The following KIAA1958 variants were observed in gnomAD, a reference collection of about 807,000 sequenced individuals.
KIAA1958 encodes the protein uncharacterized protein KIAA1958.
Under a neutral mutation model 47.2 loss-of-function variants are expected in KIAA1958, and 14 were observed. The ratio of observed to expected loss-of-function variants is 0.30; its 90% CI spans 0.20 to 0.46. The LOEUF is 0.46. Ranked by LOEUF, KIAA1958 falls within the 20% of genes least tolerant of loss-of-function variation. KIAA1958 has a pLI of 1.00. For missense variants in KIAA1958, 803 were observed against 909.2 expected, an observed-to-expected ratio of 0.88 and a Z score of 1.50; for synonymous variants, 354 against 353.3, an observed-to-expected ratio of 1.00 and a Z score of -0.02.
intron 1 of KIAA1958, among the ~76,000 whole-genome samples, chr9:112,527,486 T>C (rs1834678372): frequency 6.6e-6 from 1 of 152,162 alleles, no homozygotes; most frequent in South Asian, 2.1e-4. Context: ...TTGTTTTGTC[T>C]TTTGGAGACC....
intron 1 of KIAA1958, among the ~76,000 whole-genome samples, chr9:112,509,327 A>C (rs1194281556): frequency 6.6e-6 from 1 of 151,846 alleles, no homozygotes; most frequent in Non-Finnish European, 1.5e-5. Context: ...CAGCCTCCCA[A>C]GTAGCTGGGA....
At chr9:112,560,943 C>G (rs893152423) in intron 1 of KIAA1958, among the ~76,000 whole-genome samples, 1 of 151,870 alleles carries the variant, frequency 6.6e-6, no homozygotes, top group African/African-American at 2.4e-5. Context: ...TGAATTCTTG[C>G]TAATTCTTCA....
chr9:112,558,529 G>T (rs1835279817), intron 1 of KIAA1958, among the ~76,000 whole-genome samples: 1 of 152,122 alleles, frequency 6.6e-6, no homozygotes, highest in South Asian at 2.1e-4. Context: ...AGAATGAGTG[G>T]TATGGCCCCA....
At chr9:112,610,973 G>A (rs924107025) in intron 2 of KIAA1958, among the ~76,000 whole-genome samples, 11 of 152,134 alleles carry the variant, frequency 7.2e-5, no homozygotes, top group African/African-American at 2.4e-4. Flanking sequence ...AAGAAAAATT[G>A]TATCTTCTCC....
At chr9:112,624,927 A>G (rs1031318698) in intron 2 of KIAA1958, among the ~76,000 whole-genome samples, 3 of 152,158 alleles carry the variant, frequency 2.0e-5, no homozygotes, top group African/African-American at 7.2e-5. Context: ...AGGAGTCACC[A>G]CGTCCTCATG....
rs1837041437 is a variant in KIAA1958 at position 112,650,598 on chromosome 9, A to G, written c.1344+4776A>G. Reference sequence around the variant, plus strand: ...ATAATCCTAATGTGGAAATAAGTGGAACTGTAAAAAAAAAAATTAAATGGA... The same window carrying G: ...ATAATCCTAATGTGGAAATAAGTGGGACTGTAAAAAAAAAAATTAAATGGA... On this transcript the variant is annotated intron_variant, in intron 3 of 3. Coordinates refer to ENST00000337530, the MANE Select transcript of KIAA1958 (RefSeq NM_133465.4). 2.6e-5 allele frequency among the ~76,000 whole-genome samples: 4 copies of G among 152,176 alleles called. No homozygotes were observed. In the South Asian group the frequency reaches 8.3e-4, roughly 32 times the overall value.
intron 1 of KIAA1958, among the ~76,000 whole-genome samples, chr9:112,538,312 G>C (rs985117591): frequency 7.2e-5 from 11 of 152,046 alleles, no homozygotes; most frequent in African/African-American, 2.2e-4. Flanking sequence ...TGGTTGTGCC[G>C]CTGTACTCCA....
intron 2 of KIAA1958, among the ~76,000 whole-genome samples, chr9:112,624,434 A>T (rs1419664114): frequency 3.9e-5 from 6 of 152,228 alleles, no homozygotes; most frequent in Admixed American, 3.3e-4. Context: ...TGAAGCTAGG[A>T]TAATTTTAGA....
intron 1 of KIAA1958, among the ~76,000 whole-genome samples, chr9:112,566,631 A>G (rs998707855): frequency 2.0e-5 from 3 of 152,196 alleles, no homozygotes; most frequent in Admixed American, 6.5e-5. Flanking sequence ...GCTGTAATGT[A>G]TATGATTTTC....
chr9:112,590,480 T>C (rs1268578602), intron 2 of KIAA1958, among the ~76,000 whole-genome samples: 2 of 151,806 alleles, frequency 1.3e-5, no homozygotes, highest in Non-Finnish European at 2.9e-5. Context: ...GCCTCCTGAG[T>C]AGCTGGGATT....
At chr9:112,606,171 T>TGGG (rs1836230748) in intron 2 of KIAA1958, among the ~76,000 whole-genome samples, 2 of 152,148 alleles carry the variant, frequency 1.3e-5, no homozygotes, top group Non-Finnish European at 2.9e-5. Flanking sequence ...GGTTTCAGGC[T>TGGG]TCAGCACCTG....
chr9:112,607,480 G>A (rs1033314025), intron 2 of KIAA1958, among the ~76,000 whole-genome samples: 4 of 152,104 alleles, frequency 2.6e-5, no homozygotes, highest in Non-Finnish European at 5.9e-5. Flanking sequence ...AACTTAGGTT[G>A]GTGGTGAGAG....
intron 1 of KIAA1958, among the ~76,000 whole-genome samples, chr9:112,499,171 C>T (rs1215388219): frequency 6.6e-6 from 1 of 152,148 alleles, no homozygotes; most frequent in Non-Finnish European, 1.5e-5. Context: ...GATTACATGT[C>T]TTGGCTATTG....
At position 112,618,522 on chromosome 9, in the gene KIAA1958, C is replaced by T; in HGVS notation, c.1172-27128C>T. 1 of 1,550,730 alleles carries T rather than the reference C, an allele frequency of 6.4e-7. No individual in the cohort carries two copies. Among genetic ancestry groups the T allele is most frequent in the Non-Finnish European group, 8.7e-7 (1 of 1,147,012 alleles). On this transcript the variant is annotated intron_variant, in intron 2 of 3. Coordinates refer to ENST00000337530, the MANE Select transcript of KIAA1958 (RefSeq NM_133465.4). This position sits in a 1 kb window ranked among gnomAD's most constrained non-coding sequence, Gnocchi z 7.1. ...GGGACAGACTCCCGTGTGTATGCCA[C>T]CCAGCACGCCCCACAGACCTGCCCT...
intron 1 of KIAA1958, among the ~76,000 whole-genome samples, chr9:112,563,060 T>A (rs969367104): frequency 2.7e-5 from 2 of 73,424 alleles, no homozygotes; most frequent in African/African-American, 1.4e-4. Flanking sequence ...TCTCTCTCTG[T>A]CTCTGTCTCT....
intron 1 of KIAA1958, among the ~76,000 whole-genome samples, chr9:112,570,189 G>GT (rs1835508617): frequency 6.6e-6 from 1 of 152,194 alleles, no homozygotes; most frequent in African/African-American, 2.4e-5. Context: ...TTGTTTGTTT[G>GT]TTTTTTAACA....
rs567309602 is a variant in KIAA1958 at position 112,569,713 on chromosome 9, C to T, written c.-24-4344C>T. 1.2e-4 allele frequency among the ~76,000 whole-genome samples: 19 copies of T among 152,034 alleles called. 1 individual carries two copies. The South Asian group carries it at 2.9e-3, about 23-fold the overall frequency. On this transcript the variant is annotated intron_variant, in intron 1 of 3. Transcript: ENST00000337530. Reference sequence around the variant, plus strand: ...TTAGCTCACTGCAACCTCCGCCTCCCGGGTTCAAATGATTTTCCCGCCTCA... The same window carrying T: ...TTAGCTCACTGCAACCTCCGCCTCCTGGGTTCAAATGATTTTCCCGCCTCA...
chr9:112,536,535 A>G (rs1834858147), intron 1 of KIAA1958, among the ~76,000 whole-genome samples: 1 of 152,204 alleles, frequency 6.6e-6, no homozygotes, highest in Non-Finnish European at 1.5e-5. Flanking sequence ...AAATAGACCA[A>G]TAGTACAGAA....
intron 3 of KIAA1958, among the ~76,000 whole-genome samples, chr9:112,651,960 A>G (rs558807754): frequency 7.9e-5 from 12 of 152,310 alleles, no homozygotes; most frequent in African/African-American, 2.9e-4. Context: ...AATAAAAAAT[A>G]TGCTCAAGTG....
Sources: gnomAD v4.1 joint callset for allele counts (sites outside exome capture counted in the v4.1 genomes callset) on GRCh38, gnomAD v4.1.1 for gene constraint, Gnocchi (gnomAD v3.1) non-coding constraint, MANE v1.5 for transcripts, NCBI Gene and HGNC (gene_info 2026-07-23, HGNC 2026-07-21) for gene names.